Variants in FARP2 observed in about 807,000 individuals in gnomAD.
FARP2 encodes FERM, ARHGEF and pleckstrin domain-containing protein 2.
A neutral mutation model predicts 130.5 loss-of-function variants in FARP2; 111 were observed. The observed-to-expected ratio is 0.85, with a 90% CI of 0.73 to 1.00. The LOEUF (loss-of-function observed/expected upper bound fraction) is 1.00. Among genes scored for constraint, FARP2 ranks in the 50% least tolerant of loss-of-function variants. The pLI is 0.00. For synonymous variants in FARP2, 504 were observed against 516.9 expected, an observed-to-expected ratio of 0.98 and a Z score of 0.34; for missense variants, 1,385 against 1,346.3, an observed-to-expected ratio of 1.03 and a Z score of -0.45.
chr2:241,358,648 G>A (rs564265465), intron 1 of FARP2, among the ~76,000 whole-genome samples: 4 of 152,188 alleles, frequency 2.6e-5, no homozygotes, highest in East Asian at 3.9e-4. Flanking sequence ...TACTCAGTGC[G>A]TCATGAGCTT....
In FARP2 at chr2:241,449,880, G is replaced by T. The variant is rs544471016; in HGVS notation, c.1412-6867G>T. On this transcript the variant is annotated intron_variant, in intron 13 of 26. Transcript: ENST00000264042. ...AAATTAGCTAGGCATGGTGGCGGGT[G>T]CCTGTAATCCCAGCTATTCAGGAGG... 6.6e-5 allele frequency among the ~76,000 whole-genome samples: 10 copies of T among 152,084 alleles called. No individual in the cohort carries two copies. The East Asian group carries it at 1.9e-3, about 29-fold the overall frequency.
intron 13 of FARP2, among the ~76,000 whole-genome samples, chr2:241,453,397 C>T (rs565159305): frequency 3.4e-4 from 51 of 151,456 alleles, no homozygotes; most frequent in African/African-American, 8.2e-4. Flanking sequence ...CCAAGGCGGG[C>T]AGATCACAAG....
intron 8 of FARP2, among the ~76,000 whole-genome samples, chr2:241,425,366 A>G (rs1027711571): frequency 1.3e-5 from 2 of 152,204 alleles, no homozygotes; most frequent in African/African-American, 2.4e-5. Context: ...ATGCACAGCA[A>G]AAGAAACTAT....
At chr2:241,405,794 C>T (rs1420349399) in intron 4 of FARP2, among the ~76,000 whole-genome samples, 7 of 151,946 alleles carry the variant, frequency 4.6e-5, no homozygotes, top group African/African-American at 9.7e-5. Context: ...ATTAGCTAGG[C>T]GTGATGGCGC....
At chr2:241,395,242 A>G (rs904324391) in intron 2 of FARP2, among the ~76,000 whole-genome samples, 2 of 152,190 alleles carry the variant, frequency 1.3e-5, no homozygotes, top group African/African-American at 4.8e-5. Context: ...CTCCTCTTCT[A>G]CTTAGAGCAG....
At chr2:241,432,668 A>G (rs1367474912) in intron 9 of FARP2, among the ~76,000 whole-genome samples, 5 of 152,212 alleles carry the variant, frequency 3.3e-5, no homozygotes, top group Non-Finnish European at 7.3e-5. Context: ...TTACATATGA[A>G]TTTACTGAAA....
At chr2:241,431,155 C>T (rs1285709470) in intron 8 of FARP2, among the ~76,000 whole-genome samples, 2 of 152,142 alleles carry the variant, frequency 1.3e-5, no homozygotes, top group South Asian at 2.1e-4. Context: ...TGCACTGTGT[C>T]TGATGATAAT....
At chr2:241,441,760 G>A (rs758294346) in intron 13 of FARP2, 8 of 743,956 alleles carry the variant, frequency 1.1e-5, no homozygotes, top group East Asian at 8.1e-5. Flanking sequence ...TCGTGGGGGG[G>A]CCCCTGCTTT....
Position 241,366,104 on chromosome 2 carries a change from A to ATATATATAT in FARP2, c.-24-6980_-24-6979insTATATATAT, listed in dbSNP as rs1553705628. Among the ~76,000 whole-genome samples the ATATATATAT allele has an allele frequency of 1.9e-3, 107 of 56,968 alleles. 2 individuals carry two copies. The highest frequency in any genetic ancestry group is 5.7e-3 in the African/African-American group (85 of 14,814). 37.4% of individuals were successfully genotyped at this position (56,968 alleles called of 152,430 possible). A position where few individuals can be genotyped will look rare whatever the true frequency, so the allele number is the denominator to read the frequency against. On this transcript the variant is annotated intron_variant, in intron 1 of 26. Coordinates refer to ENST00000264042, the MANE Select transcript of FARP2 (RefSeq NM_014808.4). ...ACCTCATCACTACTAAAAAAAAAAAAATATATATATATATATACGTATATA... is the reference window on the plus strand; with the variant it reads ...ACCTCATCACTACTAAAAAAAAAAAATATATATATATATATATATATATATACGTATATA...
chr2:241,437,662 A>ATTTTTTTT (rs1254102658), intron 12 of FARP2, among the ~76,000 whole-genome samples: 83 of 135,362 alleles, frequency 6.1e-4, no homozygotes, highest in Admixed American at 1.7e-3. Flanking sequence ...TTATTTATTT[A>ATTTTTTTT]TTTATTTATT....
intron 18 of FARP2, among the ~76,000 whole-genome samples, chr2:241,472,166 TA>T (rs2064337690): frequency 6.9e-6 from 1 of 144,144 alleles, no homozygotes; most frequent in African/African-American, 2.6e-5. Context: ...ACCCTGTTCT[TA>T]GGGGGATCCT....
Position 241,396,270 on chromosome 2 carries a change from A to G in FARP2, c.184-7558A>G, listed in dbSNP as rs376376686. 1.7e-4 allele frequency among the ~76,000 whole-genome samples: 26 copies of G among 152,342 alleles called. No individual in the cohort carries two copies. The East Asian group carries it at 3.9e-3, about 23-fold the overall frequency. On this transcript the variant is annotated intron_variant, in intron 2 of 26. Coordinates refer to ENST00000264042, the MANE Select transcript of FARP2 (RefSeq NM_014808.4). ...AGGCATTACCATTCAGGACATAGGC[A>G]TGGGCAAGGACTTCATTTCTAAAAC...
intron 4 of FARP2, among the ~76,000 whole-genome samples, chr2:241,406,478 G>C (rs371540614): frequency 6.6e-6 from 1 of 151,778 alleles, no homozygotes; most frequent in Admixed American, 6.6e-5. Context: ...GGGCAATCTC[G>C]TTCTGTCACC....
intron 24 of FARP2, chr2:241,492,701 A>G (rs561968911): frequency 5.4e-5 from 27 of 502,836 alleles, no homozygotes; most frequent in African/African-American, 4.8e-4. Context: ...TATTGTGCAC[A>G]GGGAAAGGGA....
At chr2:241,374,426 G>A (rs1368595576) in intron 2 of FARP2, among the ~76,000 whole-genome samples, 1 of 152,136 alleles carries the variant, frequency 6.6e-6, no homozygotes, top group African/African-American at 2.4e-5. Flanking sequence ...GCTCTTAATG[G>A]CACAAAAGTA....
chr2:241,434,639 G>C (rs2063173644), intron 10 of FARP2, among the ~76,000 whole-genome samples: 1 of 152,162 alleles, frequency 6.6e-6, no homozygotes, highest in African/African-American at 2.4e-5. Flanking sequence ...ATCATTTGAG[G>C]TCAGGAATTC....
intron 2 of FARP2, among the ~76,000 whole-genome samples, chr2:241,391,367 G>A (rs779718943): frequency 1.3e-5 from 2 of 152,190 alleles, no homozygotes; most frequent in African/African-American, 2.4e-5. Context: ...GTAGTGAAGC[G>A]GGGCCTCCTT....
rs752755126 is a variant in FARP2 at position 241,442,337 on chromosome 2, A to G, written c.1411+781A>G. 23 of 456,672 alleles carry G rather than the reference A, an allele frequency of 5.0e-5. 1 individual carries two copies. The Admixed American group carries it at 5.2e-4, about 10-fold the overall frequency. The allele number at this position is 456,672 out of a possible 1,614,324, so 28.3% of individuals were successfully genotyped here. On this transcript the variant is annotated intron_variant, in intron 13 of 26. Transcript: ENST00000264042. ...ATCGACCAGTTAGAGCAGCTCAGCT[A>G]CCCACCCACGACGGCCGAGGACTCC...
intron 8 of FARP2, among the ~76,000 whole-genome samples, chr2:241,423,212 A>G (rs1001388415): frequency 2.0e-5 from 3 of 152,202 alleles, no homozygotes; most frequent in African/African-American, 4.8e-5. Flanking sequence ...GCAGCCAGAG[A>G]GAAAGGCCAG....
Sources: gnomAD v4.1 joint callset for allele counts (sites outside exome capture counted in the v4.1 genomes callset) on GRCh38, gnomAD v4.1.1 for gene constraint, MANE v1.5 for transcripts, NCBI Gene and HGNC (gene_info 2026-07-23, HGNC 2026-07-21) for gene names.